The following FAM178B variants were observed in gnomAD, a reference collection of about 807,000 sequenced individuals.
FAM178B encodes the protein family with sequence similarity 178 member B, also known as protein FAM178B.
Under a neutral mutation model 91.7 loss-of-function variants are expected in FAM178B, and 82 were observed. That is an observed-to-expected ratio of 0.89 (90% CI 0.75 to 1.07). The LOEUF is 1.07. Among genes scored for constraint, FAM178B ranks in the 50% least tolerant of loss-of-function variants. FAM178B has a pLI of 0.00. For missense variants in FAM178B, 769 were observed against 846.7 expected (o/e 0.91, Z 1.14); for synonymous variants, 368 against 359.4 (o/e 1.02, Z -0.27).
At chr2:96,932,721 T>G (rs916632985) in intron 8 of FAM178B, among the ~76,000 whole-genome samples, 2 of 147,134 alleles carry the variant, frequency 1.4e-5, no homozygotes, top group African/African-American at 5.1e-5. Flanking sequence ...GTGGATCACC[T>G]GAGGTCAGGA....
rs1363027565 is a variant in FAM178B, at chr2:96,932,172, TC to T, written c.1079-2853del. Among the ~76,000 whole-genome samples, 6 of 152,140 alleles carry T rather than the reference TC, an allele frequency of 3.9e-5. No homozygotes were observed. In the East Asian group the frequency reaches 9.7e-4, roughly 25 times the overall value. On this transcript the variant is annotated intron_variant, in intron 8 of 16. Coordinates refer to ENST00000490605, the MANE Select transcript of FAM178B (RefSeq NM_001122646.3). ...AGGTTGTGCCCGCCTCCCCTTGAGA[TC>T]CCCACCCCAGCCCACACAGAGGCAT... is the stretch of plus-strand genomic sequence containing the variant.
intron 14 of FAM178B, among the ~76,000 whole-genome samples, chr2:96,891,385 C>T (rs372361403): frequency 3.9e-5 from 6 of 152,172 alleles, no homozygotes; most frequent in South Asian, 2.1e-4. Context: ...AAGGGGACCA[C>T]GATGCAGAGG....
chr2:96,910,477 T>C (rs2081133300), intron 12 of FAM178B, among the ~76,000 whole-genome samples: 1 of 152,252 alleles, frequency 6.6e-6, no homozygotes, highest in Admixed American at 6.5e-5. Context: ...ATACGAATTG[T>C]GTAGTGTTGT....
At chr2:96,919,595 CTG>C (rs2081298938) in intron 12 of FAM178B, among the ~76,000 whole-genome samples, 1 of 152,160 alleles carries the variant, frequency 6.6e-6, no homozygotes, top group African/African-American at 2.4e-5. Flanking sequence ...ACCTCTAGGA[CTG>C]TAATTTCCAG....
intron 8 of FAM178B, among the ~76,000 whole-genome samples, chr2:96,939,653 G>A (rs895743880): frequency 1.1e-4 from 16 of 152,146 alleles, no homozygotes; most frequent in African/African-American, 3.4e-4. Context: ...CAGAGAGGTC[G>A]CAGCACAGAG....
chr2:96,905,818 G>GTGTATA (rs1260782317), intron 12 of FAM178B, among the ~76,000 whole-genome samples: 21 of 34,184 alleles, frequency 6.1e-4, no homozygotes, highest in East Asian at 1.0e-3. Flanking sequence ...ATATATGTGT[G>GTGTATA]TATATATATA....
chr2:96,884,848 C>A (rs2153367663), intron 14 of FAM178B, among the ~76,000 whole-genome samples: 1 of 152,344 alleles, frequency 6.6e-6, no homozygotes, highest in Middle Eastern at 3.4e-3. Flanking sequence ...CAAAGGCAAG[C>A]TGACTTGGGA....
At position 96,972,599 on chromosome 2, in the gene FAM178B, C is replaced by T. The variant is rs765466813; in HGVS notation, c.81G>A (p.Met27Ile). The change falls in exon 2 of 17, where the codon ATG becomes ATA. Residue 27 changes from methionine (M) to isoleucine (I), a missense_variant. Met to Ile is a conservative substitution (Grantham distance 10). Transcript: ENST00000490605. ...QDQRLHFTGQ[M>I]SHGLQMAGPQ... is the part of the protein sequence containing the mutation. ...GCCCAGCCATCTGCAAGCCGTGGGA[C>T]ATCTGTCCTGGAAGGAAGCGCCTGT... 2 of 1,551,486 alleles carry T rather than the reference C, an allele frequency of 1.3e-6. No individual in the cohort carries two copies. Among genetic ancestry groups the T allele is most frequent in the South Asian group, 1.2e-5 (1 of 84,066 alleles).
Position 96,986,573 on chromosome 2 carries a change from C to CCAAGTG in FAM178B, c.-266_-261dup, listed in dbSNP as rs1013869683. On this transcript the variant is annotated 5_prime_UTR_variant, in exon 1 of 17. Coordinates refer to ENST00000490605, the MANE Select transcript of FAM178B (RefSeq NM_001122646.3). ...CGCCGCCAGCTGGGGAGCTCGCCGG[C>CCAAGTG]CAAGTGCGCACCCTCTTCCTGTTAG... 29 of 488,828 alleles carry CCAAGTG rather than the reference C, an allele frequency of 5.9e-5. No individual in the cohort carries two copies. The highest frequency in any genetic ancestry group is 5.6e-4 in the African/African-American group (28 of 50,140). 30.3% of individuals were successfully genotyped at this position (488,828 alleles called of 1,614,324 possible).
chr2:96,963,462 A>G (rs2153375094), intron 5 of FAM178B, among the ~76,000 whole-genome samples: 1 of 152,352 alleles, frequency 6.6e-6, no homozygotes, highest in East Asian at 1.9e-4. Flanking sequence ...GCTTCCTGCA[A>G]CATCAGACAG....
intron 12 of FAM178B, among the ~76,000 whole-genome samples, chr2:96,920,625 GA>G (rs1259266364): frequency 4.6e-5 from 7 of 152,080 alleles, no homozygotes; most frequent in Admixed American, 4.6e-4. Context: ...AAAATTTACA[GA>G]GCGCCGAACA....
chr2:96,892,136 G>A (rs113858701), intron 14 of FAM178B, among the ~76,000 whole-genome samples: 1 of 152,160 alleles, frequency 6.6e-6, no homozygotes, highest in Non-Finnish European at 1.5e-5. Context: ...GGAGTCATCC[G>A]GCCGGGGTGG....
At chr2:96,914,866 G>A (rs548364771) in intron 12 of FAM178B, among the ~76,000 whole-genome samples, 2 of 152,218 alleles carry the variant, frequency 1.3e-5, no homozygotes, top group East Asian at 1.9e-4. Context: ...CTCCTGCCTC[G>A]GCGAAAGAGA....
intron 12 of FAM178B, among the ~76,000 whole-genome samples, chr2:96,907,940 G>A (rs963870873): frequency 1.3e-5 from 2 of 152,264 alleles, no homozygotes; most frequent in Non-Finnish European, 2.9e-5. Context: ...AGCTCAGGAA[G>A]CAACGGCAGT....
intron 9 of FAM178B, among the ~76,000 whole-genome samples, chr2:96,927,956 A>C (rs915802690): frequency 4.8e-4 from 73 of 152,302 alleles, no homozygotes; most frequent in South Asian, 2.1e-4. Flanking sequence ...TGCCAGGAGG[A>C]GGCAAGTGGC....
chr2:96,974,454 A>G (rs1396894246), intron 1 of FAM178B, among the ~76,000 whole-genome samples: 2 of 151,820 alleles, frequency 1.3e-5, no homozygotes, highest in African/African-American at 4.8e-5. Flanking sequence ...AATAAACACA[A>G]AAGGCATTAA....
At chr2:96,911,531 G>C (rs2081158400) in intron 12 of FAM178B, among the ~76,000 whole-genome samples, 3 of 152,220 alleles carry the variant, frequency 2.0e-5, no homozygotes, top group South Asian at 2.1e-4. Flanking sequence ...CTGCACCGTG[G>C]CATTTCACCC....
intron 14 of FAM178B, among the ~76,000 whole-genome samples, chr2:96,884,094 C>CT (rs138662963): frequency 0.021 from 3,134 of 152,210 alleles, 103 homozygotes; most frequent in African/African-American, 0.071. Context: ...CTTTTTTTCC[C>CT]TTTTTTGTGC....
At chr2:96,923,632 A>G in intron 9 of FAM178B, 49 bp from the exon 10 acceptor site, 2 of 1,444,594 alleles carry the variant, frequency 1.4e-6, no homozygotes, top group Non-Finnish European at 1.9e-6. Flanking sequence ...GAGGGGGCAC[A>G]GGGGCAGGAG....
Sources: allele counts gnomAD v4.1 joint callset (sites outside exome capture counted in the v4.1 genomes callset), GRCh38; gene constraint gnomAD v4.1.1; transcripts MANE v1.5; gene names NCBI Gene and HGNC (gene_info 2026-07-23, HGNC 2026-07-21).